KCTD1: variants seen among roughly 807,000 people sequenced by gnomAD.
The protein encoded by KCTD1 is BTB/POZ domain-containing protein KCTD1.
KCTD1 carries 24 observed loss-of-function variants against 66.0 expected under a neutral mutation model. The ratio of observed to expected loss-of-function variants is 0.36; its 90% CI spans 0.26 to 0.51. KCTD1 has a LOEUF of 0.51. Ranked by LOEUF, KCTD1 falls within the 20% of genes least tolerant of loss-of-function variation. The pLI, the probability that KCTD1 is intolerant of heterozygous loss-of-function variation, is 0.95. For synonymous variants in KCTD1, 511 were observed against 517.2 expected, an observed-to-expected ratio of 0.99 and a Z score of 0.16; for missense variants, 943 against 1,205.2, an observed-to-expected ratio of 0.78 and a Z score of 3.22.
intron 2 of KCTD1, among the ~76,000 whole-genome samples, chr18:26,477,821 G>A (rs1445207467): frequency 1.3e-5 from 2 of 152,112 alleles, no homozygotes; most frequent in Admixed American, 6.5e-5. Flanking sequence ...CTCATGTTAC[G>A]TTACTCTGAA....
intron 1 of KCTD1, among the ~76,000 whole-genome samples, chr18:26,624,835 C>T (rs1364023026): frequency 2.0e-5 from 3 of 152,228 alleles, no homozygotes; most frequent in African/African-American, 7.2e-5. Flanking sequence ...AAGCCACAGA[C>T]ATTCAATGCT....
At chr18:26,463,671 G>A (rs1016514910) in intron 3 of KCTD1, among the ~76,000 whole-genome samples, 1 of 151,988 alleles carries the variant, frequency 6.6e-6, no homozygotes, top group Admixed American at 6.6e-5. Flanking sequence ...TGAGTAGGTG[G>A]GATTACAGGT....
intron 1 of KCTD1, among the ~76,000 whole-genome samples, chr18:26,593,868 G>T (rs562100775): frequency 7.4e-6 from 1 of 135,742 alleles, no homozygotes; most frequent in African/African-American, 2.8e-5. Flanking sequence ...GGAGAACAAG[G>T]AGGAAGAGGA....
At chr18:26,614,104 T>G (rs368573900) in intron 1 of KCTD1, among the ~76,000 whole-genome samples, 2 of 152,382 alleles carry the variant, frequency 1.3e-5, no homozygotes, top group African/African-American at 4.8e-5. Flanking sequence ...TATACGTTGA[T>G]CTAACACACA....
chr18:26,527,825 GTTA>G (rs986700225), intron 1 of KCTD1, among the ~76,000 whole-genome samples: 36 of 152,088 alleles, frequency 2.4e-4, no homozygotes, highest in African/African-American at 8.4e-4. Context: ...TCTGACAAAT[GTTA>G]TTAAGGAAAA....
chr18:26,600,498 G>C (rs1424442570), intron 1 of KCTD1, among the ~76,000 whole-genome samples: 1 of 151,986 alleles, frequency 6.6e-6, no homozygotes, highest in African/African-American at 2.4e-5. Flanking sequence ...GCTGGGGGGG[G>C]TGCAGTGGTG....
At chr18:26,479,464 A>G (rs555054724) in intron 2 of KCTD1, among the ~76,000 whole-genome samples, 1 of 152,196 alleles carries the variant, frequency 6.6e-6, no homozygotes, top group Non-Finnish European at 1.5e-5. Context: ...GCCAGACCCG[A>G]TGGAAGGGGC....
intron 1 of KCTD1, among the ~76,000 whole-genome samples, chr18:26,618,011 T>C (rs888727105): frequency 6.6e-6 from 1 of 152,014 alleles, no homozygotes; most frequent in Non-Finnish European, 1.5e-5. Flanking sequence ...TAGTTCTTTG[T>C]TGACTGGTTC....
rs1980866380 is a variant in KCTD1 at position 26,468,412 on chromosome 18, G to A, written c.2133+8103C>T. Among the ~76,000 whole-genome samples the A allele has an allele frequency of 1.3e-5, 2 of 152,200 alleles. No homozygotes were observed. The highest frequency in any genetic ancestry group is 1.3e-4 in the Admixed American group (2 of 15,284). Reference sequence around the variant, plus strand: ...TGCGGAATGAGATTTTAGGGGTGGAGGATCTTGTGACTTCAGGATTGAATG... The same window carrying A: ...TGCGGAATGAGATTTTAGGGGTGGAAGATCTTGTGACTTCAGGATTGAATG... On this transcript the variant is annotated intron_variant, in intron 3 of 4. Coordinates refer to ENST00000580059, the MANE Select transcript of KCTD1 (RefSeq NM_001142730.3). The surrounding 1 kb of genome is among the most constrained non-coding windows in gnomAD (Gnocchi z 4.8).
At position 26,548,094 on chromosome 18, in the gene KCTD1, G is replaced by A; in HGVS notation, c.443C>T (p.Pro148Leu). Residue 148 changes from proline (P) to leucine (L), a missense_variant, in exon 1 of 5, where the codon CCG (proline) becomes CTG (leucine). By Grantham distance (98) the Pro-to-Leu change is moderately conservative. Transcript: ENST00000580059. ...GTCCAGCTCGGAGCCGTCCCCGGGC[G>A]GCCCACCGCGGGCCCGGGGCGCCAG... ...RLLAPRARGG[P>L]PGDGSELDPD... The A allele has an allele frequency of 7.5e-7, 1 of 1,326,050 alleles. No homozygotes were observed. Among genetic ancestry groups the A allele is most frequent in the Non-Finnish European group, 9.5e-7 (1 of 1,047,796 alleles). 82.1% of individuals were successfully genotyped at this position (1,326,050 alleles called of 1,614,324 possible).
upstream of KCTD1, among the ~76,000 whole-genome samples, chr18:26,642,103 C>T (rs919129797): frequency 6.6e-6 from 1 of 152,164 alleles, no homozygotes; most frequent in Admixed American, 6.5e-5. Context: ...TGGGCTTGAT[C>T]TTAAATCACT....
chr18:26,484,458 C>T (rs182247118), intron 2 of KCTD1, among the ~76,000 whole-genome samples: 260 of 152,216 alleles, frequency 1.7e-3, no homozygotes, highest in Admixed American at 3.9e-3. Flanking sequence ...AAGTCAGGAA[C>T]TCGGCGTTTT....
intron 2 of KCTD1, among the ~76,000 whole-genome samples, chr18:26,492,691 C>T (rs1249099972): frequency 6.6e-6 from 1 of 151,940 alleles, no homozygotes; most frequent in Non-Finnish European, 1.5e-5. Flanking sequence ...CAATAAGCAT[C>T]ATGGAGTCAG....
intron 1 of KCTD1, chr18:26,544,882 C>A (rs1223622952): frequency 6.6e-6 from 1 of 152,170 alleles, no homozygotes. Context: ...CCATAATAAT[C>A]ATATAAGCCA....
chr18:26,628,620 C>CT (rs1491404254), intron 1 of KCTD1, among the ~76,000 whole-genome samples: 2 of 151,916 alleles, frequency 1.3e-5, no homozygotes, highest in African/African-American at 2.4e-5. Flanking sequence ...TGAAATCCCC[C>CT]TTTTTTTGCC....
At chr18:26,466,085 A>C (rs1980717597) in intron 3 of KCTD1, among the ~76,000 whole-genome samples, 1 of 57,352 alleles carries the variant, frequency 1.7e-5, no homozygotes, top group East Asian at 7.3e-4. Context: ...GTACGGGTGA[A>C]GAAACTCTGG....
At chr18:26,642,986 T>C (rs968336895), upstream of KCTD1, among the ~76,000 whole-genome samples, 1 of 152,006 alleles carries the variant, frequency 6.6e-6, no homozygotes, top group Non-Finnish European at 1.5e-5. Flanking sequence ...GCAGGGAGGT[T>C]CTGTTTTGTG....
At chr18:26,548,966 CTAAG>C (rs1459641461), upstream of KCTD1, 2 of 985,556 alleles carry the variant, frequency 2.0e-6, no homozygotes, top group African/African-American at 1.8e-5. Flanking sequence ...TCTCGTTTCT[CTAAG>C]TAATGCCCGA....
chr18:26,553,827 TAA>T (rs10548383), intron 1 of KCTD1, among the ~76,000 whole-genome samples: 12,084 of 135,396 alleles, frequency 0.089, 520 homozygotes, highest in East Asian at 0.21. Flanking sequence ...CCAGAGAGGG[TAA>T]AAAAAAAAAA....
Sources: gnomAD v4.1 joint callset for allele counts (sites outside exome capture counted in the v4.1 genomes callset) on GRCh38, gnomAD v4.1.1 for gene constraint, Gnocchi (gnomAD v3.1) non-coding constraint, MANE v1.5 for transcripts, NCBI Gene and HGNC (gene_info 2026-07-23, HGNC 2026-07-21) for gene names.